MBNL2: variants seen among roughly 807,000 people sequenced by gnomAD.
The protein encoded by MBNL2 is muscleblind-like protein 2.
A neutral mutation model predicts 41.9 loss-of-function variants in MBNL2; 17 were observed. The ratio of observed to expected loss-of-function variants is 0.41; its 90% CI spans 0.28 to 0.61. The LOEUF (loss-of-function observed/expected upper bound fraction) is 0.61, where lower values mean the gene tolerates loss of function less well. Among genes scored for constraint, MBNL2 ranks in the 20% least tolerant of loss-of-function variants. The pLI, the probability that MBNL2 is intolerant of heterozygous loss-of-function variation, is 0.35. For missense variants in MBNL2, 336 were observed against 505.6 expected (o/e 0.66, Z 3.22); for synonymous variants, 195 against 182.9 (o/e 1.07, Z -0.53).
intron 2 of MBNL2, among the ~76,000 whole-genome samples, chr13:97,287,993 C>T (rs1229780998): frequency 1.4e-5 from 2 of 141,164 alleles, no homozygotes; most frequent in Non-Finnish European, 3.0e-5. Context: ...AGGTTGGTCT[C>T]GAACTCCTGA....
At chr13:97,180,646 G>T in the MBNL2 span, among the ~76,000 whole-genome samples, 1 of 151,460 alleles carries the variant, frequency 6.6e-6, no homozygotes, top group Non-Finnish European at 1.5e-5. Flanking sequence ...GGAGGCTGAG[G>T]CAGGAGAATC....
At chr13:97,319,349 A>G (rs1476307504) in intron 2 of MBNL2, among the ~76,000 whole-genome samples, 1 of 152,064 alleles carries the variant, frequency 6.6e-6, no homozygotes, top group African/African-American at 2.4e-5. Context: ...TCACTGGGGG[A>G]GTGCTGGCCA....
intron 2 of MBNL2, among the ~76,000 whole-genome samples, chr13:97,292,594 C>G (rs151132135): frequency 2.4e-3 from 357 of 151,876 alleles, no homozygotes; most frequent in African/African-American, 8.4e-3. Context: ...AATTTCAATT[C>G]TAAATAAAAA....
intron 7 of MBNL2, among the ~76,000 whole-genome samples, chr13:97,359,266 T>C (rs2063214906): frequency 6.6e-6 from 1 of 151,120 alleles, no homozygotes; most frequent in Admixed American, 6.6e-5. Flanking sequence ...ACTAGATATT[T>C]TAAGATAAAA....
intron 1 of MBNL2, among the ~76,000 whole-genome samples, chr13:97,261,292 TCA>T (rs918233429): frequency 6.6e-6 from 1 of 152,006 alleles, no homozygotes; most frequent in African/African-American, 2.4e-5. Context: ...ATGTTCACAC[TCA>T]CACACATGCA....
the MBNL2 span, among the ~76,000 whole-genome samples, chr13:97,178,848 G>A: frequency 4.5e-4 from 68 of 152,274 alleles, 1 homozygote; most frequent in South Asian, 0.014. Flanking sequence ...AGTGAGCCAT[G>A]ATTACACCAC....
rs953281071 is a variant in MBNL2 at position 97,393,633 on chromosome 13, C to T, written c.*2184C>T. 6.6e-6 allele frequency: 1 copy of T among 152,380 alleles called. No homozygotes were observed. The highest frequency in any genetic ancestry group is 1.5e-5 in the Non-Finnish European group (1 of 67,922). 9.4% of individuals were successfully genotyped at this position (152,380 alleles called of 1,614,324 possible). A position where few individuals can be genotyped will look rare whatever the true frequency, so the allele number is the denominator to read the frequency against. On this transcript the variant is annotated 3_prime_UTR_variant, in exon 9 of 9. Transcript: ENST00000679496. ...ATGCATAGATGTACAAATATATGTACAACAGATTTTGCTTTTTATTTATTT... is the reference window on the plus strand; with the variant it reads ...ATGCATAGATGTACAAATATATGTATAACAGATTTTGCTTTTTATTTATTT...
At chr13:97,151,758 A>G in the MBNL2 span, among the ~76,000 whole-genome samples, 1 of 152,292 alleles carries the variant, frequency 6.6e-6, no homozygotes, top group African/African-American at 2.4e-5. Context: ...TTTGATGCCC[A>G]TGTTTAAGCA....
intron 2 of MBNL2, among the ~76,000 whole-genome samples, chr13:97,323,572 T>C (rs954375081): frequency 1.3e-5 from 2 of 152,220 alleles, no homozygotes; most frequent in Non-Finnish European, 2.9e-5. Context: ...GTATAGGTTA[T>C]ATGCAAATAC....
upstream of MBNL2, among the ~76,000 whole-genome samples, chr13:97,218,429 ACAAAAC>A (rs2040562368): frequency 9.3e-6 from 1 of 107,640 alleles, no homozygotes; most frequent in Non-Finnish European, 1.9e-5. Context: ...CAAAAACAAA[ACAAAAC>A]AAAACAAAAA....
At chr13:97,166,841 A>AGATAGATAGATAGAAAGAAAGAAAGAT in the MBNL2 span, among the ~76,000 whole-genome samples, 3 of 114,358 alleles carry the variant, frequency 2.6e-5, no homozygotes, top group East Asian at 5.4e-4. Flanking sequence ...GATAGATAGA[A>AGATAGATAGATAGAAAGAAAGAAAGAT]AGATAGATAG....
chr13:97,392,297 G>A lies in MBNL2; in HGVS notation c.*848G>A, dbSNP rs2066405315. ...CTAGTCAAACAAGGAAGCTGTAGGT[G>A]AGGAGATCTGTATAATATTCTAATT... On this transcript the variant is annotated 3_prime_UTR_variant, in exon 9 of 9. Transcript: ENST00000679496. 1 of 152,550 alleles carries A rather than the reference G, an allele frequency of 6.6e-6. No individual in the cohort carries two copies. Among genetic ancestry groups the A allele is most frequent in the African/African-American group, 2.4e-5 (1 of 41,426 alleles). The allele number at this position is 152,550 out of a possible 1,614,324, so 9.4% of individuals were successfully genotyped here.
At position 97,357,619 on chromosome 13, in the gene MBNL2, C is replaced by G. The variant is rs764598689; in HGVS notation, c.996C>G (p.Ala332=). ...CCAGCGCACAGTTGCAGCAACACGC[C>G]GCGTTCATTCCAACAGGTATGTGCC... ...ALTSAQLQQH[A]AFIPTGSVLC... is the part of the protein sequence containing the mutation. Residue 332 remains alanine (A), a synonymous_variant, in exon 7 of 9, where the codon GCC becomes GCG. Transcript: ENST00000679496. 6.2e-7 allele frequency: 1 copy of G among 1,614,010 alleles called. No individual in the cohort carries two copies. The highest frequency in any genetic ancestry group is 1.1e-5 in the South Asian group (1 of 91,080).
chr13:97,265,639 C>A (rs779624764), intron 1 of MBNL2, among the ~76,000 whole-genome samples: 14 of 151,910 alleles, frequency 9.2e-5, no homozygotes, highest in Non-Finnish European at 2.1e-4. Context: ...AAGTTATTTC[C>A]ACCTGTCATT....
At chr13:97,186,009 C>T in the MBNL2 span, among the ~76,000 whole-genome samples, 1 of 152,204 alleles carries the variant, frequency 6.6e-6, no homozygotes, top group African/African-American at 2.4e-5. Context: ...TACCCAGCTC[C>T]TCCAGGTTTA....
chr13:97,207,073 C>T, the MBNL2 span, among the ~76,000 whole-genome samples: 2 of 152,160 alleles, frequency 1.3e-5, no homozygotes, highest in African/African-American at 4.8e-5. Context: ...ATCCCCTTCC[C>T]TTTCCTGCAT....
At chr13:97,157,405 G>T in the MBNL2 span, among the ~76,000 whole-genome samples, 1 of 138,592 alleles carries the variant, frequency 7.2e-6, no homozygotes, top group East Asian at 2.1e-4. Flanking sequence ...CTGCCTAATT[G>T]CCCTGGCCAG....
chr13:97,377,426 C>T (rs1452611174), intron 8 of MBNL2, among the ~76,000 whole-genome samples: 2 of 152,144 alleles, frequency 1.3e-5, no homozygotes, highest in Admixed American at 1.3e-4. Flanking sequence ...CTTGAATATG[C>T]AGGTTCTACA....
chr13:97,286,886 TTC>T (rs777694858), intron 2 of MBNL2, among the ~76,000 whole-genome samples: 7 of 152,212 alleles, frequency 4.6e-5, no homozygotes, highest in African/African-American at 2.4e-5. Context: ...TCTCTCCACT[TTC>T]TGTTTCCTCC....
Sources: gnomAD v4.1 joint callset for allele counts (sites outside exome capture counted in the v4.1 genomes callset) on GRCh38, gnomAD v4.1.1 for gene constraint, MANE v1.5 for transcripts, NCBI Gene and HGNC (gene_info 2026-07-23, HGNC 2026-07-21) for gene names.